Variants in PAK2 observed in about 807,000 individuals in gnomAD.
PAK2 encodes the protein serine/threonine-protein kinase PAK 2.
Under a neutral mutation model 65.9 loss-of-function variants are expected in PAK2, and 21 were observed. The ratio of observed to expected loss-of-function variants is 0.32; its 90% CI spans 0.23 to 0.46. The LOEUF (loss-of-function observed/expected upper bound fraction) is 0.46, where lower values mean the gene tolerates loss of function less well. Among genes scored for constraint, PAK2 ranks in the 20% least tolerant of loss-of-function variants. PAK2 has a pLI of 1.00. For missense variants in PAK2, 324 were observed against 642.6 expected (o/e 0.50, Z 5.36); for synonymous variants, 204 against 219.7 (o/e 0.93, Z 0.63).
intron 1 of PAK2, among the ~76,000 whole-genome samples, chr3:196,753,994 C>T (rs1713692030): frequency 6.6e-6 from 1 of 152,138 alleles, no homozygotes; most frequent in Non-Finnish European, 1.5e-5. Context: ...TTTCTGTCCC[C>T]TATGTGAACT....
intron 1 of PAK2, among the ~76,000 whole-genome samples, chr3:196,764,841 C>CTTT (rs57199433): frequency 2.5e-4 from 27 of 107,606 alleles, no homozygotes; most frequent in Non-Finnish European, 3.3e-4. Flanking sequence ...TCTTTTCTTT[C>CTTT]TTTTTTTTTT....
At chr3:196,827,077 C>A in intron 13 of PAK2, 119 bp from the exon 14 acceptor site, 5 of 550,302 alleles carry the variant, frequency 9.1e-6, no homozygotes, top group East Asian at 3.1e-5. Context: ...AATGATAACC[C>A]CAGTTTAGTA....
At chr3:196,766,927 A>G (rs1714187143) in intron 1 of PAK2, among the ~76,000 whole-genome samples, 1 of 108,264 alleles carries the variant, frequency 9.2e-6, no homozygotes, top group South Asian at 3.1e-4. Context: ...AAACAAGTAC[A>G]CCCCGTGTGT....
intron 13 of PAK2, among the ~76,000 whole-genome samples, chr3:196,823,811 C>CAAAA (rs1004879720): frequency 2.6e-5 from 2 of 77,014 alleles, no homozygotes; most frequent in Non-Finnish European, 2.6e-5. Flanking sequence ...GATTCTGTCG[C>CAAAA]AAAAAAAAAA....
intron 1 of PAK2, among the ~76,000 whole-genome samples, chr3:196,752,569 T>A (rs112867036): frequency 1.6e-4 from 25 of 152,276 alleles, no homozygotes; most frequent in African/African-American, 6.0e-4. Flanking sequence ...TAATTCCATC[T>A]TCTTTTGGTA....
intron 1 of PAK2, among the ~76,000 whole-genome samples, chr3:196,741,251 G>A (rs1713182104): frequency 6.6e-6 from 1 of 152,186 alleles, no homozygotes; most frequent in Non-Finnish European, 1.5e-5. Flanking sequence ...ATATTGAAAT[G>A]TACAAGAATT....
At chr3:196,750,521 GTCCTGTACGA>G (rs1713538179) in intron 1 of PAK2, among the ~76,000 whole-genome samples, 1 of 151,976 alleles carries the variant, frequency 6.6e-6, no homozygotes, top group Non-Finnish European at 1.5e-5. Flanking sequence ...GAAAATGATT[GTCCTGTACGA>G]TCATGATTTA....
intron 12 of PAK2, among the ~76,000 whole-genome samples, chr3:196,818,578 G>C (rs1711550295): frequency 1.3e-5 from 2 of 152,094 alleles, no homozygotes; most frequent in Admixed American, 1.3e-4. Context: ...CATTGGTCAG[G>C]CTGGTCTCTA....
intron 10 of PAK2, 122 bp from the exon 11 acceptor site, chr3:196,814,329 C>A (rs1715923698): frequency 3.3e-6 from 2 of 602,216 alleles, no homozygotes; most frequent in Non-Finnish European, 5.9e-6. Context: ...TTCTTCCTAA[C>A]TCTCAAGCTA....
chr3:196,755,325 G>A (rs527636097), intron 1 of PAK2, among the ~76,000 whole-genome samples: 1 of 152,238 alleles, frequency 6.6e-6, no homozygotes, highest in Admixed American at 6.5e-5. Flanking sequence ...GATAAATCTA[G>A]TGAGGCTGAA....
At chr3:196,806,349 T>C (rs922758921) in intron 5 of PAK2, among the ~76,000 whole-genome samples, 8 of 152,196 alleles carry the variant, frequency 5.3e-5, no homozygotes, top group Non-Finnish European at 8.8e-5. Flanking sequence ...TTTATTAAAA[T>C]ATTTGGTACT....
chr3:196,814,974 T>C (rs1317547755), intron 11 of PAK2, among the ~76,000 whole-genome samples: 2 of 147,966 alleles, frequency 1.4e-5, no homozygotes, highest in African/African-American at 2.5e-5. Flanking sequence ...GGTCAGGAGA[T>C]CGAGACCATC....
chr3:196,796,334 C>T (rs189852344), intron 2 of PAK2, among the ~76,000 whole-genome samples: 103 of 152,320 alleles, frequency 6.8e-4, no homozygotes, highest in African/African-American at 2.4e-3. Flanking sequence ...TCGCAAAAGA[C>T]TGCATATTGT....
chr3:196,751,821 C>T (rs1713612767), intron 1 of PAK2, among the ~76,000 whole-genome samples: 1 of 146,178 alleles, frequency 6.8e-6, no homozygotes, highest in Non-Finnish European at 1.5e-5. Flanking sequence ...CAGCTCACTG[C>T]AACCTCCTCC....
intron 1 of PAK2, among the ~76,000 whole-genome samples, chr3:196,742,835 T>A (rs1027183056): frequency 1.3e-5 from 2 of 152,010 alleles, no homozygotes; most frequent in African/African-American, 4.8e-5. Context: ...GAGAATGGCG[T>A]GATGAACCCG....
chr3:196,794,670 C>G (rs2879808), intron 2 of PAK2, among the ~76,000 whole-genome samples: 66,344 of 152,050 alleles, frequency 0.44, 15,822 homozygotes, highest in East Asian at 0.67. Flanking sequence ...GGCGGGATTA[C>G]TGTTCCCAGC....
chr3:196,783,259 G>A (rs1278034358), intron 2 of PAK2, among the ~76,000 whole-genome samples: 1 of 152,126 alleles, frequency 6.6e-6, no homozygotes, highest in South Asian at 2.1e-4. Flanking sequence ...GTTCTATAAT[G>A]CCCTCAGAAG....
rs779069125 is a variant in PAK2 at position 196,806,662 on chromosome 3, C to T, written c.552C>T (p.Ala184=). ...DDEETAPPVI[A]PRPDHTKSIY... The stretch of plus-strand genomic sequence containing the variant: ...AAGAGACTGCTCCTCCCGTTATTGC[C>T]CCGCGACCGGATCATACGAAATCAG... Residue 184 remains alanine, a synonymous_variant, in exon 6 of 15, where the codon GCC becomes GCT. Coordinates refer to ENST00000327134, the MANE Select transcript of PAK2 (RefSeq NM_002577.4). The T allele has an allele frequency of 1.9e-6, 3 of 1,607,790 alleles. No individual in the cohort carries two copies. The highest frequency in any genetic ancestry group is 2.6e-6 in the Non-Finnish European group (3 of 1,174,322).
At chr3:196,784,223 C>CTT (rs869153119) in intron 2 of PAK2, among the ~76,000 whole-genome samples, 2 of 117,746 alleles carry the variant, frequency 1.7e-5, no homozygotes, top group Non-Finnish European at 3.8e-5. Context: ...TTTTTTTTTT[C>CTT]TTTTTTTTTT....
Sources: allele counts gnomAD v4.1 joint callset (sites outside exome capture counted in the v4.1 genomes callset), GRCh38; gene constraint gnomAD v4.1.1; transcripts MANE v1.5; gene names NCBI Gene and HGNC (gene_info 2026-07-23, HGNC 2026-07-21).